The following MYT1L variants were observed in gnomAD, a reference collection of about 807,000 sequenced individuals.
The protein encoded by MYT1L is myelin transcription factor 1-like protein.
In MYT1L, 12 loss-of-function variants were observed where a neutral mutation model predicts 126.7. That is an observed-to-expected ratio of 0.09 (90% CI 0.06 to 0.15). The LOEUF (loss-of-function observed/expected upper bound fraction) is 0.15, where lower values mean the gene tolerates loss of function less well. Among genes scored for constraint, MYT1L ranks in the 10% least tolerant of loss-of-function variants. The pLI is 1.00. For synonymous variants in MYT1L, 541 were observed against 604.2 expected, an observed-to-expected ratio of 0.90 and a Z score of 1.53; for missense variants, 979 against 1,585.2, an observed-to-expected ratio of 0.62 and a Z score of 6.49.
chr2:2,119,951 T>C (rs987756560), intron 3 of MYT1L, among the ~76,000 whole-genome samples: 1 of 151,970 alleles, frequency 6.6e-6, no homozygotes, highest in Non-Finnish European at 1.5e-5. Flanking sequence ...TGTGTGCGAG[T>C]GAGGGTGTGT....
At position 1,889,552 on chromosome 2, in the gene MYT1L, C is replaced by T. The variant is rs1157865697; in HGVS notation, c.2284-75G>A. The T allele has an allele frequency of 8.2e-7, 1 of 1,226,414 alleles. No individual in the cohort carries two copies. Among genetic ancestry groups the T allele is most frequent in the Non-Finnish European group, 1.1e-6 (1 of 877,314 alleles). The allele number at this position is 1,226,414 out of a possible 1,614,324, so 76.0% of individuals were successfully genotyped here. On this transcript the variant is annotated intron_variant, in intron 15 of 24. Transcript: ENST00000647738. The surrounding 1 kb of genome is among the most constrained non-coding windows in gnomAD (Gnocchi z 4.1). ...ACCACGAGTCCTTCCTCCCAGATTA[C>T]AGTCCTGCCGTCAGCCAGTGTAGCG...
At chr2:2,230,257 A>G (rs2094129135) in intron 2 of MYT1L, among the ~76,000 whole-genome samples, 1 of 152,204 alleles carries the variant, frequency 6.6e-6, no homozygotes, top group Non-Finnish European at 1.5e-5. Context: ...CCTGTGGGAG[A>G]AAACAACCTA....
At chr2:1,921,858 C>T (rs1166882719) in intron 10 of MYT1L, among the ~76,000 whole-genome samples, 8 of 152,160 alleles carry the variant, frequency 5.3e-5, no homozygotes, top group Admixed American at 5.2e-4. Context: ...AATCATGATG[C>T]CATTTCCCCA....
intron 8 of MYT1L, among the ~76,000 whole-genome samples, chr2:1,950,983 C>G (rs774952170): frequency 6.6e-6 from 1 of 152,058 alleles, no homozygotes. Context: ...ACATGTGGGA[C>G]GCGGCCTGGT....
intron 3 of MYT1L, among the ~76,000 whole-genome samples, chr2:2,073,103 C>T (rs899612074): frequency 6.6e-5 from 10 of 152,078 alleles, no homozygotes; most frequent in African/African-American, 2.2e-4. Flanking sequence ...ACTCTCATGC[C>T]TTAATCATTT....
At chr2:2,187,441 G>A (rs1385097358) in intron 2 of MYT1L, among the ~76,000 whole-genome samples, 1 of 151,780 alleles carries the variant, frequency 6.6e-6, no homozygotes, top group East Asian at 1.9e-4. Context: ...ATTACACGGC[G>A]CGTGCGGGGC....
At chr2:2,057,632 T>C (rs1279552739) in intron 3 of MYT1L, among the ~76,000 whole-genome samples, 2 of 152,226 alleles carry the variant, frequency 1.3e-5, no homozygotes, top group Non-Finnish European at 2.9e-5. Context: ...CCTGAACTCC[T>C]GGCAACCACT....
intron 5 of MYT1L, among the ~76,000 whole-genome samples, chr2:1,990,135 G>T (rs186946855): frequency 2.5e-4 from 38 of 152,340 alleles, no homozygotes; most frequent in Non-Finnish European, 4.9e-4. Context: ...TCAGTGTCTT[G>T]CAGGATAAAC....
chr2:2,104,000 CA>C (rs1391541707), intron 3 of MYT1L, among the ~76,000 whole-genome samples: 1 of 152,222 alleles, frequency 6.6e-6, no homozygotes, highest in Non-Finnish European at 1.5e-5. Context: ...CTTTCTCTAT[CA>C]GGGGCTCTCA....
At chr2:1,871,120 C>T (rs1573057095) in intron 18 of MYT1L, among the ~76,000 whole-genome samples, 2 of 152,344 alleles carry the variant, frequency 1.3e-5, no homozygotes, top group Middle Eastern at 3.4e-3. Flanking sequence ...CGGTCTAATC[C>T]GTGGCCCTTC....
chr2:1,919,324 G>A (rs188604733), intron 10 of MYT1L, among the ~76,000 whole-genome samples: 2 of 152,150 alleles, frequency 1.3e-5, no homozygotes, highest in East Asian at 3.9e-4. Context: ...CTTTTCTCTT[G>A]CAATCTCAAA....
Position 1,922,136 on chromosome 2 carries a change from A to G in MYT1L, c.1483+150T>C. 9.2e-7 allele frequency: 1 copy of G among 1,090,766 alleles called. No individual in the cohort carries two copies. The highest frequency in any genetic ancestry group is 1.3e-6 in the Non-Finnish European group (1 of 780,844). The allele number at this position is 1,090,766 out of a possible 1,614,324, so 67.6% of individuals were successfully genotyped here. A position where few individuals can be genotyped will look rare whatever the true frequency, so the allele number is the denominator to read the frequency against. ...ATTTTATTTGCTTGTCAGAAACGTAATCACAAAATATCCTTCTGGAATCAA... is the reference window on the plus strand; with the variant it reads ...ATTTTATTTGCTTGTCAGAAACGTAGTCACAAAATATCCTTCTGGAATCAA... On this transcript the variant is annotated intron_variant, in intron 10 of 24. Coordinates refer to ENST00000647738, the MANE Select transcript of MYT1L (RefSeq NM_001303052.2). This position sits in a 1 kb window ranked among gnomAD's most constrained non-coding sequence, Gnocchi z 7.4.
At chr2:2,018,854 G>C (rs757676026) in intron 4 of MYT1L, among the ~76,000 whole-genome samples, 1 of 152,124 alleles carries the variant, frequency 6.6e-6, no homozygotes, top group Non-Finnish European at 1.5e-5. Context: ...TTGAGTTCCA[G>C]AGAGAGAACG....
intron 8 of MYT1L, among the ~76,000 whole-genome samples, chr2:1,958,922 C>A (rs2058735371): frequency 1.3e-5 from 2 of 152,224 alleles, no homozygotes; most frequent in African/African-American, 4.8e-5. Context: ...TGTAGGATTC[C>A]CCAGTGTTTC....
intron 21 of MYT1L, among the ~76,000 whole-genome samples, chr2:1,813,163 G>A (rs1001046427): frequency 2.0e-5 from 3 of 152,210 alleles, no homozygotes; most frequent in African/African-American, 7.2e-5. Context: ...GCATTGAGGG[G>A]CCAGGAGCTG....
At chr2:2,221,608 G>A (rs1268022373) in intron 2 of MYT1L, among the ~76,000 whole-genome samples, 1 of 152,212 alleles carries the variant, frequency 6.6e-6, no homozygotes, top group African/African-American at 2.4e-5. Context: ...AATGACCGCT[G>A]ATTCCTTGCA....
intron 2 of MYT1L, among the ~76,000 whole-genome samples, chr2:2,186,266 C>T (rs1572265953): frequency 6.8e-6 from 1 of 146,506 alleles, no homozygotes. Context: ...CGGGCCTTCC[C>T]GAGTCCCGCG....
intron 2 of MYT1L, among the ~76,000 whole-genome samples, chr2:2,231,595 G>A (rs1341346727): frequency 6.6e-6 from 1 of 151,874 alleles, no homozygotes; most frequent in African/African-American, 2.4e-5. Flanking sequence ...CTACAGGCAT[G>A]CAACACCATG....
chr2:2,107,276 G>C (rs2078866412), intron 3 of MYT1L, among the ~76,000 whole-genome samples: 1 of 152,294 alleles, frequency 6.6e-6, no homozygotes, highest in East Asian at 1.9e-4. Flanking sequence ...GCTCGGGCAG[G>C]ATTCAGCAGA....
Sources: allele counts gnomAD v4.1 joint callset (sites outside exome capture counted in the v4.1 genomes callset), GRCh38; gene constraint gnomAD v4.1.1; non-coding constraint Gnocchi (gnomAD v3.1); transcripts MANE v1.5; gene names NCBI Gene and HGNC (gene_info 2026-07-23, HGNC 2026-07-21).